SNX29: variants seen among roughly 807,000 people sequenced by gnomAD.
SNX29 encodes sorting nexin 29, also known as sorting nexin-29.
SNX29 carries 78 observed loss-of-function variants against 102.1 expected under a neutral mutation model. The observed-to-expected ratio is 0.76, with a 90% CI of 0.64 to 0.92. The LOEUF is 0.92. SNX29 is among the 40% of genes least tolerant of loss of function. SNX29 has a pLI of 0.00. For missense variants in SNX29, 1,280 were observed against 1,061.7 expected (o/e 1.21, Z -2.86); for synonymous variants, 580 against 414.5 (o/e 1.40, Z -4.85).
At chr16:12,190,921 C>G (rs1299423521) in intron 13 of SNX29, among the ~76,000 whole-genome samples, 4 of 152,162 alleles carry the variant, frequency 2.6e-5, no homozygotes, top group Non-Finnish European at 5.9e-5. Context: ...GACCTCAGTG[C>G]CAGAGGCGCT....
intron 18 of SNX29, among the ~76,000 whole-genome samples, chr16:12,455,312 C>T (rs2086486046): frequency 6.6e-6 from 1 of 152,178 alleles, no homozygotes; most frequent in South Asian, 2.1e-4. Context: ...CTGGGACTTC[C>T]AGACCCTGGG....
intron 18 of SNX29, among the ~76,000 whole-genome samples, chr16:12,437,750 G>C (rs1000089636): frequency 1.3e-5 from 2 of 152,140 alleles, no homozygotes; most frequent in African/African-American, 4.8e-5. Context: ...TGTTGCTTCA[G>C]GTGAAATCTC....
chr16:12,358,286 C>T (rs1264202369), intron 16 of SNX29, among the ~76,000 whole-genome samples: 3 of 152,192 alleles, frequency 2.0e-5, no homozygotes, highest in Non-Finnish European at 2.9e-5. Flanking sequence ...GTTCCTGGCC[C>T]ATAATTCCCG....
chr16:11,984,941 C>T (rs943657478), intron 1 of SNX29, among the ~76,000 whole-genome samples: 1 of 152,218 alleles, frequency 6.6e-6, no homozygotes, highest in African/African-American at 2.4e-5. Flanking sequence ...AGGTGTGAAC[C>T]ACTGTACCTG....
chr16:12,416,857 G>GC (rs1216121257), intron 18 of SNX29, among the ~76,000 whole-genome samples: 1 of 152,202 alleles, frequency 6.6e-6, no homozygotes, highest in Admixed American at 6.5e-5. Context: ...TCTGCCCCAT[G>GC]CCCCAGACAC....
At chr16:12,381,570 ATCATCCACCCACCCACTCAC>A (rs2083156136) in intron 16 of SNX29, among the ~76,000 whole-genome samples, 1 of 29,442 alleles carries the variant, frequency 3.4e-5, no homozygotes, top group Non-Finnish European at 6.5e-5. Flanking sequence ...CCACCCACCC[ATCATCCACCCACCCACTCAC>A]TCATCCATCC....
chr16:11,995,857 T>C (rs1263892832), intron 1 of SNX29, among the ~76,000 whole-genome samples: 3 of 151,136 alleles, frequency 2.0e-5, no homozygotes, highest in African/African-American at 4.9e-5. Context: ...GTCAGGAGTT[T>C]AAGACCAGCC....
intron 11 of SNX29, among the ~76,000 whole-genome samples, chr16:12,118,070 C>G (rs1404570069): frequency 2.0e-5 from 3 of 152,056 alleles, no homozygotes; most frequent in Non-Finnish European, 4.4e-5. Context: ...GTACTTCAGC[C>G]TGGGCGACAG....
Position 12,430,640 on chromosome 16 carries a change from A to G in SNX29, c.2037+27111A>G, listed in dbSNP as rs553467942. Among the ~76,000 whole-genome samples, 89 of 152,364 alleles carry G rather than the reference A, an allele frequency of 5.8e-4. 1 individual carries two copies. The highest frequency in any genetic ancestry group is 2.0e-3 in the African/African-American group (82 of 41,592). ...AAGTGTTATTACTTGTAAAGCACTT[A>G]TATAGTCCCAGTAATATAGCTCATT... On this transcript the variant is annotated intron_variant, in intron 18 of 20. Transcript: ENST00000566228.
intron 3 of SNX29, among the ~76,000 whole-genome samples, chr16:12,012,194 A>G (rs985413258): frequency 1.3e-5 from 2 of 152,124 alleles, no homozygotes; most frequent in African/African-American, 2.4e-5. Flanking sequence ...TAGTTGTCAT[A>G]GGGCGACAGC....
chr16:12,141,954 G>C (rs1243453984), intron 13 of SNX29, among the ~76,000 whole-genome samples: 1 of 152,138 alleles, frequency 6.6e-6, no homozygotes, highest in African/African-American at 2.4e-5. Context: ...ATTTTAACCA[G>C]CTCCTATTCC....
intron 14 of SNX29, among the ~76,000 whole-genome samples, chr16:12,268,107 C>T (rs1239568264): frequency 6.6e-6 from 1 of 152,228 alleles, no homozygotes; most frequent in African/African-American, 2.4e-5. Context: ...TCCTCACTAG[C>T]GAGGGCTTTC....
intron 15 of SNX29, among the ~76,000 whole-genome samples, chr16:12,328,173 C>G (rs1007307057): frequency 6.6e-6 from 1 of 152,162 alleles, no homozygotes; most frequent in African/African-American, 2.4e-5. Context: ...CAGTGCCTCC[C>G]GCAGAGTAGA....
At chr16:12,489,454 A>G (rs1470896141) in intron 19 of SNX29, among the ~76,000 whole-genome samples, 1 of 152,226 alleles carries the variant, frequency 6.6e-6, no homozygotes, top group East Asian at 1.9e-4. Context: ...ACACAGGGAA[A>G]GAGCTTGGGC....
At chr16:12,127,090 C>T (rs536900648) in intron 12 of SNX29, among the ~76,000 whole-genome samples, 1 of 152,092 alleles carries the variant, frequency 6.6e-6, no homozygotes, top group South Asian at 2.1e-4. Context: ...GAAACCCCGT[C>T]TCTACTAAAA....
chr16:12,120,820 A>ACCCCTCCT, intron 11 of SNX29, among the ~76,000 whole-genome samples: 1 of 152,016 alleles, frequency 6.6e-6, no homozygotes, highest in East Asian at 1.9e-4. Context: ...GATGTATGGG[A>ACCCCTCCT]CCGTGTCCCC....
intron 15 of SNX29, among the ~76,000 whole-genome samples, chr16:12,279,420 C>T (rs373411089): frequency 6.6e-6 from 1 of 152,214 alleles, no homozygotes; most frequent in African/African-American, 2.4e-5. Context: ...CAAGCTGAGG[C>T]CTTAACACAC....
At chr16:12,495,955 G>A (rs2088800750) in intron 19 of SNX29, among the ~76,000 whole-genome samples, 1 of 152,182 alleles carries the variant, frequency 6.6e-6, no homozygotes, top group Non-Finnish European at 1.5e-5. Flanking sequence ...GGCTGAGGCA[G>A]TAGAATCTCA....
At chr16:12,442,935 T>C in intron 18 of SNX29, 1 of 446,838 alleles carries the variant, frequency 2.2e-6, no homozygotes, top group Non-Finnish European at 4.5e-6. Context: ...CACTGAACTT[T>C]GAATTTCATA....
Sources: allele counts gnomAD v4.1 joint callset (sites outside exome capture counted in the v4.1 genomes callset), GRCh38; gene constraint gnomAD v4.1.1; transcripts MANE v1.5; gene names NCBI Gene and HGNC (gene_info 2026-07-23, HGNC 2026-07-21).